The following TSHZ2 variants were observed in gnomAD, a reference collection of about 807,000 sequenced individuals.
TSHZ2 encodes teashirt homolog 2.
TSHZ2 carries 21 observed loss-of-function variants against 74.4 expected under a neutral mutation model. The observed-to-expected ratio is 0.28, with a 90% CI of 0.20 to 0.41. The LOEUF (loss-of-function observed/expected upper bound fraction) is 0.41, where lower values mean the gene tolerates loss of function less well. Ranked by LOEUF, TSHZ2 falls within the 10% of genes least tolerant of loss-of-function variation. TSHZ2 has a pLI of 1.00. For synonymous variants in TSHZ2, 540 were observed against 515.3 expected (o/e 1.05, Z -0.65); for missense variants, 1,244 against 1,293.5 (o/e 0.96, Z 0.59).
chr20:53,378,002 A>G (rs940192055), intron 2 of TSHZ2, among the ~76,000 whole-genome samples: 1 of 152,186 alleles, frequency 6.6e-6, no homozygotes, highest in Non-Finnish European at 1.5e-5. Flanking sequence ...CTAAGATGAG[A>G]GAAACTTCAG....
chr20:53,482,164 C>T (rs527721838), intron 2 of TSHZ2, among the ~76,000 whole-genome samples: 6 of 131,078 alleles, frequency 4.6e-5, no homozygotes, highest in East Asian at 2.3e-4. Flanking sequence ...CTTGGGAAAA[C>T]GCCTCTAAAT....
chr20:53,269,134 G>T (rs1600779481), intron 2 of TSHZ2, among the ~76,000 whole-genome samples: 1 of 152,274 alleles, frequency 6.6e-6, no homozygotes, highest in East Asian at 1.9e-4. Flanking sequence ...GTGTACAGGG[G>T]TGGGGGCTGT....
chr20:53,045,693 AC>A (rs927117482), intron 1 of TSHZ2, among the ~76,000 whole-genome samples: 10 of 152,108 alleles, frequency 6.6e-5, no homozygotes, highest in South Asian at 2.1e-4. Flanking sequence ...TCTGGGAACC[AC>A]CCTTATGGCT....
intron 1 of TSHZ2, among the ~76,000 whole-genome samples, chr20:53,023,462 T>C (rs1983317871): frequency 6.6e-6 from 1 of 152,216 alleles, no homozygotes; most frequent in Non-Finnish European, 1.5e-5. Context: ...ATTAACCAAA[T>C]GGTTTTGGCA....
chr20:53,310,932 A>AT (rs1220530397), intron 2 of TSHZ2, among the ~76,000 whole-genome samples: 1 of 152,312 alleles, frequency 6.6e-6, no homozygotes, highest in East Asian at 1.9e-4. Context: ...ACATCAAGAA[A>AT]TGGGGATTAT....
At chr20:53,003,774 TAAAC>T (rs1346845161) in intron 1 of TSHZ2, among the ~76,000 whole-genome samples, 4 of 152,226 alleles carry the variant, frequency 2.6e-5, no homozygotes, top group African/African-American at 9.6e-5. Flanking sequence ...AGCCCACAGA[TAAAC>T]AAATTGTACA....
chr20:53,483,017 T>C (rs1986198632), intron 2 of TSHZ2, among the ~76,000 whole-genome samples: 1 of 152,200 alleles, frequency 6.6e-6, no homozygotes, highest in African/African-American at 2.4e-5. Context: ...GTAGGAACAC[T>C]GACCTTACCA....
intron 1 of TSHZ2, among the ~76,000 whole-genome samples, chr20:53,075,133 G>A (rs555999401): frequency 9.2e-5 from 14 of 152,314 alleles, no homozygotes; most frequent in South Asian, 2.1e-4. Flanking sequence ...CTATCCCAAC[G>A]ATAGATCATT....
At chr20:53,381,273 G>T (rs1981849959) in intron 2 of TSHZ2, among the ~76,000 whole-genome samples, 1 of 152,088 alleles carries the variant, frequency 6.6e-6, no homozygotes, top group Non-Finnish European at 1.5e-5. Flanking sequence ...TGTACATCAG[G>T]TCTACTGTAC....
intron 2 of TSHZ2, among the ~76,000 whole-genome samples, chr20:53,454,826 G>C (rs1171375225): frequency 1.3e-5 from 2 of 151,972 alleles, no homozygotes; most frequent in African/African-American, 4.8e-5. Context: ...CCTTTCTCTG[G>C]AAACCTACCC....
chr20:53,416,586 C>T (rs1179934734), intron 2 of TSHZ2, among the ~76,000 whole-genome samples: 2 of 152,192 alleles, frequency 1.3e-5, no homozygotes, highest in Non-Finnish European at 2.9e-5. Flanking sequence ...CATATTGCTG[C>T]CTTAACTCTG....
rs145008393 is a variant in TSHZ2, at chr20:53,254,448, G to A, written c.990G>A (p.Pro330=). 1.4e-4 allele frequency: 227 copies of A among 1,613,814 alleles called. No individual in the cohort carries two copies. The African/African-American group carries it at 1.5e-3, about 11-fold the overall frequency. ...AACGCGTTTTTGATGTCAATCGGCC[G>A]TGTTCCCCCGATTCAACCACAGGAT... ...AKKRVFDVNR[P]CSPDSTTGSF... is the part of the protein sequence containing the mutation. Residue 330 remains proline (P), a synonymous_variant, in exon 2 of 3, where the codon CCG becomes CCA. Transcript: ENST00000371497.
chr20:53,144,273 A>G (rs577514974), intron 1 of TSHZ2, among the ~76,000 whole-genome samples: 1 of 152,334 alleles, frequency 6.6e-6, no homozygotes, highest in South Asian at 2.1e-4. Context: ...CTGCAAAGGC[A>G]GTCTAGTGCC....
intron 1 of TSHZ2, among the ~76,000 whole-genome samples, chr20:53,202,727 G>C (rs1989038453): frequency 6.6e-6 from 1 of 152,104 alleles, no homozygotes; most frequent in African/African-American, 2.4e-5. Context: ...TTCATTCTAG[G>C]CTGCCTGGGG....
chr20:53,478,741 C>T (rs1986062680), intron 2 of TSHZ2, among the ~76,000 whole-genome samples: 1 of 151,798 alleles, frequency 6.6e-6, no homozygotes, highest in Non-Finnish European at 1.5e-5. Context: ...AGCAGAGGTC[C>T]TCCGCCTTTG....
intron 1 of TSHZ2, among the ~76,000 whole-genome samples, chr20:53,038,053 G>A (rs1041769174): frequency 6.6e-6 from 1 of 151,872 alleles, no homozygotes; most frequent in Non-Finnish European, 1.5e-5. Context: ...ATCACCTTCG[G>A]GGAGGGAACG....
At chr20:53,328,065 G>A (rs549152786) in intron 2 of TSHZ2, among the ~76,000 whole-genome samples, 1 of 152,302 alleles carries the variant, frequency 6.6e-6, no homozygotes, top group East Asian at 1.9e-4. Flanking sequence ...TTTAAAGCAG[G>A]GGGCTGGGAT....
intron 1 of TSHZ2, among the ~76,000 whole-genome samples, chr20:53,238,507 C>G (rs1989989269): frequency 6.6e-6 from 1 of 152,060 alleles, no homozygotes; most frequent in Non-Finnish European, 1.5e-5. Flanking sequence ...AGCTGGTGTT[C>G]TGTGCCATAG....
rs541401223 is a variant in TSHZ2, at chr20:53,211,706, C to T, written c.41-41793C>T. ...TCCGGCCTGGGTGACAGAGTGAGAC[C>T]CTGTGTCTAAAACAATAATAAAGAA... On this transcript the variant is annotated intron_variant, in intron 1 of 2. Transcript: ENST00000371497. Among the ~76,000 whole-genome samples the T allele has an allele frequency of 5.3e-5, 8 of 152,076 alleles. No individual in the cohort carries two copies. The South Asian group carries it at 1.7e-3, about 32-fold the overall frequency.
Sources: allele counts gnomAD v4.1 joint callset (sites outside exome capture counted in the v4.1 genomes callset), GRCh38; gene constraint gnomAD v4.1.1; transcripts MANE v1.5; gene names NCBI Gene and HGNC (gene_info 2026-07-23, HGNC 2026-07-21).